UTRN: variants seen among roughly 807,000 people sequenced by gnomAD.
UTRN encodes utrophin, also known as dystrophin-related protein 1.
UTRN carries 283 observed loss-of-function variants against 463.9 expected under a neutral mutation model. The observed-to-expected ratio is 0.61, with a 90% confidence interval of 0.55 to 0.67. The LOEUF (loss-of-function observed/expected upper bound fraction) is 0.67. UTRN is among the 30% of genes least tolerant of loss of function. The pLI is 0.00. For missense variants in UTRN, 3,922 were observed against 4,084.3 expected (o/e 0.96, Z 1.08); for synonymous variants, 1,442 against 1,431.5 (o/e 1.01, Z -0.17).
intron 2 of UTRN, among the ~76,000 whole-genome samples, chr6:144,294,423 A>G (rs778514705): frequency 1.3e-5 from 2 of 152,198 alleles, no homozygotes; most frequent in African/African-American, 4.8e-5. Context: ...ACATATTTTA[A>G]GAGATTTTTA....
chr6:144,425,314 T>A (rs957982957), intron 6 of UTRN, among the ~76,000 whole-genome samples: 16 of 152,176 alleles, frequency 1.1e-4, no homozygotes, highest in African/African-American at 3.9e-4. Flanking sequence ...ATAGGTGATA[T>A]CTGTTCTTTT....
intron 51 of UTRN, among the ~76,000 whole-genome samples, chr6:144,622,184 GTTTTTTTTT>G (rs1199579909): frequency 6.8e-5 from 6 of 88,212 alleles, no homozygotes; most frequent in Non-Finnish European, 6.3e-5. Context: ...TTTTTTTGTT[GTTTTTTTTT>G]TTTTTTTTTT....
intron 51 of UTRN, among the ~76,000 whole-genome samples, chr6:144,598,074 G>A (rs10081008): frequency 6.6e-6 from 1 of 151,942 alleles, no homozygotes. Flanking sequence ...ATGAATCTGT[G>A]AACGAAAAGA....
intron 4 of UTRN, among the ~76,000 whole-genome samples, chr6:144,422,686 G>A (rs1248685205): frequency 6.6e-6 from 1 of 151,800 alleles, no homozygotes; most frequent in Non-Finnish European, 1.5e-5. Flanking sequence ...ATTATATTTT[G>A]TTGATTTATT....
chr6:144,849,135 G>A lies in UTRN; in HGVS notation c.10294-1854G>A, dbSNP rs531735331. Among the ~76,000 whole-genome samples the A allele has an allele frequency of 3.0e-4, 46 of 152,120 alleles. No individual in the cohort carries two copies. The South Asian group carries it at 4.8e-3, about 16-fold the overall frequency. On this transcript the variant is annotated intron_variant, in intron 74 of 74. Transcript: ENST00000367545. ...AAGGGTTTGGGAACATGGGTTTTGC[G>A]GATCACAGGCCACATGACCTATAGG...
chr6:144,436,165 G>GT, intron 10 of UTRN, 27 bp downstream of exon 10: 1 of 1,601,658 alleles, frequency 6.2e-7, no homozygotes. Context: ...TCTTAGCAGG[G>GT]TGTGTCCCCC....
At chr6:144,596,533 G>A (rs9403565) in intron 51 of UTRN, among the ~76,000 whole-genome samples, 23,401 of 152,026 alleles carry the variant, frequency 0.15, 1,998 homozygotes, top group South Asian at 0.27. Flanking sequence ...CCATTTTTGG[G>A]TTTCATGGGA....
chr6:144,576,364 G>T (rs567931642), intron 50 of UTRN, among the ~76,000 whole-genome samples: 1 of 152,168 alleles, frequency 6.6e-6, no homozygotes, highest in African/African-American at 2.4e-5. Context: ...TGAATTTACA[G>T]GTGTGTGTAT....
chr6:144,531,237 A>G (rs370979774), intron 42 of UTRN, 35 bp downstream of exon 42: 200 of 1,609,060 alleles, frequency 1.2e-4, no homozygotes, highest in South Asian at 1.1e-3. Context: ...GGGACTGCAC[A>G]TATGGTTAGT....
intron 2 of UTRN, among the ~76,000 whole-genome samples, chr6:144,382,428 A>G (rs184885921): frequency 5.2e-4 from 79 of 152,330 alleles, no homozygotes; most frequent in African/African-American, 1.9e-3. Context: ...GCTGGAGTCA[A>G]GGAGTCTGTA....
intron 34 of UTRN, among the ~76,000 whole-genome samples, chr6:144,509,623 A>T (rs974648365): frequency 6.6e-6 from 1 of 152,134 alleles, no homozygotes; most frequent in Non-Finnish European, 1.5e-5. Context: ...CCATCTTTTT[A>T]TCACTGTCTT....
intron 34 of UTRN, among the ~76,000 whole-genome samples, chr6:144,510,295 T>G (rs1353359603): frequency 6.6e-6 from 1 of 152,220 alleles, no homozygotes; most frequent in Non-Finnish European, 1.5e-5. Flanking sequence ...CTGGTGAAAC[T>G]TACGAATGTG....
rs12664245 is a variant in UTRN at position 144,328,958 on chromosome 6, T to A, written c.79+37051T>A. 0.014 allele frequency among the ~76,000 whole-genome samples: 2,063 copies of A among 151,980 alleles called. 97 individuals are homozygous for A. In the East Asian group the frequency reaches 0.17, roughly 12 times the overall value. ...GCCACTGTACCCAGCTAATTTTTTG[T>A]ATTTTTGGTAGAGACGGAGTTACAC... is the stretch of plus-strand genomic sequence containing the variant. On this transcript the variant is annotated intron_variant, in intron 2 of 74. Coordinates refer to ENST00000367545, the MANE Select transcript of UTRN (RefSeq NM_007124.3).
At chr6:144,374,489 ATT>A (rs869295327) in intron 2 of UTRN, among the ~76,000 whole-genome samples, 10 of 141,996 alleles carry the variant, frequency 7.0e-5, no homozygotes, top group Admixed American at 7.0e-5. Context: ...TAAAAACACA[ATT>A]TTTTTTTTTT....
In UTRN at chr6:144,748,257, G is replaced by A; in HGVS notation, c.7951G>A (p.Glu2651Lys). The change falls in exon 55 of 75, where the codon GAG (glutamate) becomes AAG (lysine). Residue 2651 changes from glutamate to lysine, a missense_variant. This residue lies in a region of UTRN where 1,309 missense variants were observed against 1,452.6 expected (regional missense o/e 0.90). Coordinates refer to ENST00000367545, the MANE Select transcript of UTRN (RefSeq NM_007124.3). Reference sequence around the variant, plus strand: ...TTTTTTAATCACAGAATTAACTCCTGAGGAGAGAGCCCAAAAGATTGCCAA... The same window carrying A: ...TTTTTTAATCACAGAATTAACTCCTAAGGAGAGAGCCCAAAAGATTGCCAA... The part of the protein sequence containing the change: ...NLQSKTELTP[E>K]ERAQKIAKAM... The A allele has an allele frequency of 6.2e-7, 1 of 1,610,642 alleles. No individual in the cohort carries two copies. Among genetic ancestry groups the A allele is most frequent in the South Asian group, 1.1e-5 (1 of 90,886 alleles).
intron 51 of UTRN, among the ~76,000 whole-genome samples, chr6:144,610,861 G>GC (rs1805431290): frequency 6.6e-6 from 1 of 152,152 alleles, no homozygotes; most frequent in Admixed American, 6.6e-5. Flanking sequence ...GGGGACAAGA[G>GC]CAAGACTTTG....
intron 2 of UTRN, among the ~76,000 whole-genome samples, chr6:144,340,653 A>G (rs78963436): frequency 6.6e-6 from 1 of 152,130 alleles, no homozygotes; most frequent in African/African-American, 2.4e-5. Flanking sequence ...TAGTGGTATG[A>G]ACAAAATTTG....
intron 49 of UTRN, among the ~76,000 whole-genome samples, chr6:144,556,864 A>C (rs1799434993): frequency 6.6e-6 from 1 of 152,248 alleles, no homozygotes. Context: ...GTACAGCAGA[A>C]GGAATGAAAA....
chr6:144,552,470 T>C (rs1799010165), intron 48 of UTRN, among the ~76,000 whole-genome samples: 1 of 152,202 alleles, frequency 6.6e-6, no homozygotes, highest in Non-Finnish European at 1.5e-5. Flanking sequence ...ATCATCTTGA[T>C]GTTTTCTTTT....
Sources: allele counts gnomAD v4.1 joint callset (sites outside exome capture counted in the v4.1 genomes callset), GRCh38; gene constraint gnomAD v4.1.1; regional missense constraint gnomAD v4.1.1; transcripts MANE v1.5; gene names NCBI Gene and HGNC (gene_info 2026-07-23, HGNC 2026-07-21).